The following CBR4 variants were observed in gnomAD, a reference collection of about 807,000 sequenced individuals.
The protein encoded by CBR4 is carbonyl reductase 4.
Under a neutral mutation model 21.0 loss-of-function variants are expected in CBR4, and 22 were observed. The ratio of observed to expected loss-of-function variants is 1.05; its 90% CI spans 0.75 to 1.50. The LOEUF (loss-of-function observed/expected upper bound fraction) is 1.50, where lower values mean the gene tolerates loss of function less well. Among genes scored for constraint, CBR4 ranks in the 40% most tolerant of loss-of-function variants. The probability of loss-of-function intolerance (pLI) is 0.00; values close to 1 mark genes in which losing one functional copy is unlikely to be tolerated. For synonymous variants in CBR4, 100 were observed against 104.4 expected (o/e 0.96, Z 0.26); for missense variants, 302 against 286.3 (o/e 1.05, Z -0.40).
chr4:168,894,682 C>T, exon 3 of CBR4: 1 of 1,612,510 alleles, frequency 6.2e-7, no homozygotes, highest in Non-Finnish European at 8.5e-7. Flanking sequence ...AATCAGGTAC[C>T]ATGTTGCTCT....
chr4:168,912,185 C>T lies in CBR4; in HGVS notation n.170-17420G>A, dbSNP rs747200477. On this transcript the variant is annotated intron_variant and non_coding_transcript_variant, in intron 2 of 3. Coordinates refer to the CBR4 transcript ENST00000509108. ...GCAGTTCTTCAAAACACACAGAACA[C>T]TGCAGCTTCTGTTACCTGTCTCTAT... 6.2e-4 allele frequency among the ~76,000 whole-genome samples: 94 copies of T among 152,216 alleles called. 1 individual carries two copies. Among genetic ancestry groups the T allele is most frequent in the Non-Finnish European group, 2.2e-4 (15 of 68,048 alleles).
chr4:169,001,903 ATATGAG>A (rs1193390965), intron 4 of CBR4, 162 bp downstream of exon 4: 2 of 518,078 alleles, frequency 3.9e-6, no homozygotes, highest in Non-Finnish European at 6.7e-6. Context: ...TTTATATAGA[ATATGAG>A]GTACAAAAAA....
At chr4:168,981,100 C>A (rs1388965675) in intron 2 of CBR4, among the ~76,000 whole-genome samples, 1 of 151,948 alleles carries the variant, frequency 6.6e-6, no homozygotes, top group African/African-American at 2.4e-5. Flanking sequence ...TGAAAATAGC[C>A]ATTTTAAGAA....
rs185389617 is a variant in CBR4, at chr4:168,912,134, C to A, written n.170-17369G>T. ...CCACTAGTGCCCTCACCCTGACCCC[C>A]ACTCCAGTCTACTCACAGTTGGAAA... On this transcript the variant is annotated intron_variant and non_coding_transcript_variant, in intron 2 of 3. Transcript: ENST00000509108. Among the ~76,000 whole-genome samples the A allele has an allele frequency of 3.9e-5, 6 of 152,266 alleles. No homozygotes were observed. The East Asian group carries it at 9.7e-4, about 25-fold the overall frequency.
chr4:168,915,286 G>A (rs1399541051), intron 2 of CBR4, among the ~76,000 whole-genome samples: 4 of 152,060 alleles, frequency 2.6e-5, no homozygotes, highest in Non-Finnish European at 4.4e-5. Flanking sequence ...ACTTTCAACT[G>A]TATTCCTCTT....
intron 2 of CBR4, chr4:168,925,314 T>G (rs1450299864): frequency 2.0e-6 from 3 of 1,481,208 alleles, no homozygotes; most frequent in Non-Finnish European, 2.8e-6. Flanking sequence ...TAGCAAAATA[T>G]GCATGTTGAT....
intron 2 of CBR4, among the ~76,000 whole-genome samples, chr4:168,972,506 A>G (rs1764241522): frequency 6.6e-6 from 1 of 152,212 alleles, no homozygotes; most frequent in South Asian, 2.1e-4. Flanking sequence ...TTCCTTGGTT[A>G]GGTATATTCC....
intron 2 of CBR4, among the ~76,000 whole-genome samples, chr4:168,949,351 C>G (rs981512358): frequency 6.6e-6 from 1 of 152,096 alleles, no homozygotes; most frequent in Non-Finnish European, 1.5e-5. Flanking sequence ...TTTGGATACC[C>G]TGTATTTCTT....
At chr4:168,969,619 T>C (rs1764144263) in intron 2 of CBR4, among the ~76,000 whole-genome samples, 2 of 152,142 alleles carry the variant, frequency 1.3e-5, no homozygotes, top group Non-Finnish European at 2.9e-5. Context: ...TGAGCCTCCA[T>C]GTTGCCCATG....
rs142343667 is a variant in CBR4 at position 168,962,644 on chromosome 4, A to G, written n.169+39427T>C. Among the ~76,000 whole-genome samples the G allele has an allele frequency of 4.6e-3, 704 of 152,352 alleles. 7 individuals are homozygous for G. Among genetic ancestry groups the G allele is most frequent in the Admixed American group, 5.5e-3 (84 of 15,306 alleles). ...TCTGTAGGATATTCAAGAAAAATAC[A>G]GTTAAATATATGAATCCAAACTATA... On this transcript the variant is annotated intron_variant and non_coding_transcript_variant, in intron 2 of 3. Coordinates refer to the CBR4 transcript ENST00000509108.
chr4:168,932,859 A>G (rs1451375802), intron 2 of CBR4, among the ~76,000 whole-genome samples: 1 of 152,220 alleles, frequency 6.6e-6, no homozygotes, highest in African/African-American at 2.4e-5. Context: ...TTCCTCAGAA[A>G]TGAAAGAAAA....
At chr4:168,896,982 C>G (rs1755333020) in intron 2 of CBR4, among the ~76,000 whole-genome samples, 1 of 152,164 alleles carries the variant, frequency 6.6e-6, no homozygotes, top group Non-Finnish European at 1.5e-5. Flanking sequence ...CAAGTGCATG[C>G]CAACATGCCT....
chr4:168,947,836 A>C (rs1451372351), intron 2 of CBR4, among the ~76,000 whole-genome samples: 1 of 152,142 alleles, frequency 6.6e-6, no homozygotes, highest in Non-Finnish European at 1.5e-5. Flanking sequence ...GCTGCTATAA[A>C]TGTGTGTGCA....
chr4:168,935,157 A>G lies in CBR4; in HGVS notation n.170-40392T>C, dbSNP rs561547732. ...GAAGCAGGGTGGGGTGTCACCTCAC[A>G]TGGGAAGTGCAAGGGGTGGAGGAAC... On this transcript the variant is annotated intron_variant and non_coding_transcript_variant, in intron 2 of 3. Coordinates refer to the CBR4 transcript ENST00000509108. Among the ~76,000 whole-genome samples, 14 of 152,300 alleles carry G rather than the reference A, an allele frequency of 9.2e-5. No individual in the cohort carries two copies. The South Asian group carries it at 2.9e-3, about 32-fold the overall frequency.
At chr4:168,919,361 TA>T (rs1760938644) in intron 2 of CBR4, among the ~76,000 whole-genome samples, 1 of 151,654 alleles carries the variant, frequency 6.6e-6, no homozygotes, top group Admixed American at 6.6e-5. Flanking sequence ...CCGTCTCTAC[TA>T]AAATACAAAA....
At chr4:168,915,592 A>G (rs958926045) in intron 2 of CBR4, among the ~76,000 whole-genome samples, 2 of 152,322 alleles carry the variant, frequency 1.3e-5, no homozygotes, top group African/African-American at 4.8e-5. Context: ...CAATAATGCT[A>G]CTTTTCATAA....
At chr4:169,008,375 T>C (rs933255431) in intron 1 of CBR4, among the ~76,000 whole-genome samples, 4 of 152,088 alleles carry the variant, frequency 2.6e-5, no homozygotes, top group African/African-American at 9.7e-5. Flanking sequence ...TAAAAAATGG[T>C]TAAATGCCAA....
intron 2 of CBR4, among the ~76,000 whole-genome samples, chr4:168,917,280 C>A (rs1000574579): frequency 2.0e-5 from 3 of 152,160 alleles, no homozygotes; most frequent in South Asian, 2.1e-4. Flanking sequence ...AAACTCCTGA[C>A]CTCGTGATCC....
chr4:168,894,685 G>A lies in CBR4; in HGVS notation n.250C>T, dbSNP rs200060953. The A allele has an allele frequency of 8.0e-4, 1,290 of 1,612,400 alleles. 6 individuals are homozygous for A. The Middle Eastern group carries it at 0.017, about 21-fold the overall frequency. On this transcript the variant is annotated non_coding_transcript_exon_variant, in exon 3 of 4. Coordinates refer to the CBR4 transcript ENST00000509108. ...GAGGAAACAGCTAATCAGGTACCAT[G>A]TTGCTCTGGACTTCTTAGGGTAACA... is the stretch of plus-strand genomic sequence containing the variant.
Sources: allele counts gnomAD v4.1 joint callset (sites outside exome capture counted in the v4.1 genomes callset), GRCh38; gene constraint gnomAD v4.1.1; transcripts MANE v1.5; gene names NCBI Gene and HGNC (gene_info 2026-07-23, HGNC 2026-07-21).